Variants in ASIC2 observed in about 807,000 individuals in gnomAD.
The protein encoded by ASIC2 is acid-sensing ion channel 2.
In ASIC2, 25 loss-of-function variants were observed where a neutral mutation model predicts 57.3. The ratio of observed to expected loss-of-function variants is 0.44; its 90% CI spans 0.32 to 0.61. The LOEUF (loss-of-function observed/expected upper bound fraction) is 0.61. Ranked by LOEUF, ASIC2 falls within the 20% of genes least tolerant of loss-of-function variation. The pLI is 0.06. For missense variants in ASIC2, 641 were observed against 738.1 expected, an observed-to-expected ratio of 0.87 and a Z score of 1.52; for synonymous variants, 319 against 307.5, an observed-to-expected ratio of 1.04 and a Z score of -0.39.
intron 1 of ASIC2, among the ~76,000 whole-genome samples, chr17:33,858,355 A>G (rs1337122120): frequency 6.6e-6 from 1 of 152,162 alleles, no homozygotes; most frequent in Non-Finnish European, 1.5e-5. Flanking sequence ...TATACTCCCC[A>G]GTGTGGCTGC....
intron 1 of ASIC2, among the ~76,000 whole-genome samples, chr17:34,018,041 A>G (rs143673656): frequency 1.5e-3 from 227 of 152,338 alleles, no homozygotes; most frequent in Non-Finnish European, 1.9e-4. Context: ...ATAAGACACC[A>G]TCTAGGACTT....
At chr17:33,827,652 C>T (rs1912973945) in intron 1 of ASIC2, 1 of 151,942 alleles carries the variant, frequency 6.6e-6, no homozygotes, top group Non-Finnish European at 1.5e-5. Flanking sequence ...CTGCAGCTCA[C>T]TCTTATTTAT....
chr17:33,834,974 G>T (rs999132370), intron 1 of ASIC2, among the ~76,000 whole-genome samples: 1 of 152,166 alleles, frequency 6.6e-6, no homozygotes, highest in Non-Finnish European at 1.5e-5. Context: ...ACTGTGTTTG[G>T]CGTGCTCATT....
intron 1 of ASIC2, among the ~76,000 whole-genome samples, chr17:34,114,536 G>A (rs1567827164): frequency 6.6e-6 from 1 of 152,156 alleles, no homozygotes; most frequent in Admixed American, 6.5e-5. Flanking sequence ...TGTGTTTTTG[G>A]CAACATTCCT....
chr17:33,874,801 C>CTCTGGTGGGAGTCTCCTGTTGCTGA (rs1914510478), intron 1 of ASIC2, among the ~76,000 whole-genome samples: 1 of 152,208 alleles, frequency 6.6e-6, no homozygotes, highest in Admixed American at 6.5e-5. Context: ...CTGAAGTTAC[C>CTCTGGTGGGAGTCTCCTGTTGCTGA]TCTGGTGGGA....
intron 1 of ASIC2, among the ~76,000 whole-genome samples, chr17:33,347,614 G>A (rs944837372): frequency 6.6e-6 from 1 of 152,134 alleles, no homozygotes; most frequent in African/African-American, 2.4e-5. Context: ...AGATGTATAG[G>A]ATCACTAATT....
At chr17:33,993,921 T>C (rs889824585) in intron 1 of ASIC2, among the ~76,000 whole-genome samples, 3 of 152,194 alleles carry the variant, frequency 2.0e-5, no homozygotes, top group Admixed American at 2.0e-4. Context: ...GTGTCTGCCT[T>C]CCACAGTGAC....
intron 1 of ASIC2, among the ~76,000 whole-genome samples, chr17:34,014,317 T>G (rs143150513): frequency 1.1e-3 from 166 of 152,326 alleles, no homozygotes; most frequent in African/African-American, 3.8e-3. Context: ...GCTCCAGATG[T>G]GAAACCAGGT....
At chr17:33,634,495 G>A (rs1906280635) in intron 1 of ASIC2, among the ~76,000 whole-genome samples, 1 of 150,692 alleles carries the variant, frequency 6.6e-6, no homozygotes, top group Non-Finnish European at 1.5e-5. Flanking sequence ...GATATTCAGA[G>A]AGAGAAAAAC....
intron 1 of ASIC2, among the ~76,000 whole-genome samples, chr17:33,743,913 T>C (rs1239026562): frequency 6.6e-6 from 1 of 152,208 alleles, no homozygotes; most frequent in East Asian, 1.9e-4. Context: ...CTGTGAATAC[T>C]GGAGCCCTAA....
chr17:33,297,247 G>A (rs1425935497), upstream of ASIC2, among the ~76,000 whole-genome samples: 2 of 152,216 alleles, frequency 1.3e-5, no homozygotes, highest in Non-Finnish European at 2.9e-5. Flanking sequence ...TTGCTCTTGA[G>A]ATAGGCTCTT....
intron 1 of ASIC2, among the ~76,000 whole-genome samples, chr17:33,870,224 G>GTTTTTTTTTTTTTT (rs869267956): frequency 8.0e-5 from 4 of 50,120 alleles, no homozygotes; most frequent in African/African-American, 8.0e-5. Flanking sequence ...GAGAAATTCT[G>GTTTTTTTTTTTTTT]TTTTTTTTTT....
intron 1 of ASIC2, among the ~76,000 whole-genome samples, chr17:33,818,767 T>A (rs1440466692): frequency 6.6e-6 from 1 of 152,244 alleles, no homozygotes; most frequent in Admixed American, 6.5e-5. Flanking sequence ...TAGGCATTTC[T>A]TAATGTTGAT....
rs778787252 is a variant in ASIC2, at chr17:33,102,884, C to T, written c.859+9033G>A. 1.8e-4 allele frequency among the ~76,000 whole-genome samples: 27 copies of T among 152,232 alleles called. 1 individual carries two copies. Among genetic ancestry groups the T allele is most frequent in the Admixed American group, 7.8e-4 (12 of 15,288 alleles). On this transcript the variant is annotated intron_variant, in intron 2 of 9. Coordinates refer to ENST00000225823, the MANE Select transcript of ASIC2 (RefSeq NM_183377.2). Reference sequence around the variant, plus strand: ...CTGCAAGCTCCGCCTTCCAGGTTCACGCCATTCTCCTGCCTCAGCCTCCCG... The same window carrying T: ...CTGCAAGCTCCGCCTTCCAGGTTCATGCCATTCTCCTGCCTCAGCCTCCCG...
At chr17:33,746,297 C>T (rs550284759) in intron 1 of ASIC2, among the ~76,000 whole-genome samples, 51 of 148,516 alleles carry the variant, frequency 3.4e-4, no homozygotes, top group African/African-American at 1.1e-3. Context: ...TACATATACA[C>T]GTATGTATAT....
chr17:33,342,193 G>A (rs1409975965), intron 1 of ASIC2, among the ~76,000 whole-genome samples: 1 of 152,112 alleles, frequency 6.6e-6, no homozygotes, highest in African/African-American at 2.4e-5. Context: ...GAAGGATAAG[G>A]TCCCTCCCAG....
In ASIC2 at chr17:34,084,739, C is replaced by A. The variant is rs566740222; in HGVS notation, c.555+71239G>T. On this transcript the variant is annotated intron_variant, in intron 1 of 9. Coordinates refer to the ASIC2 transcript ENST00000359872. ...TCATTGAGCAGTGGTTTGTAGTTCT[C>A]CTTGAAGAGGTCCTTTACGTCCCTT... Among the ~76,000 whole-genome samples the A allele has an allele frequency of 1.4e-3, 210 of 152,244 alleles. 1 individual carries two copies. The highest frequency in any genetic ancestry group is 4.9e-3 in the African/African-American group (205 of 41,528).
chr17:33,894,413 C>G, intron 1 of ASIC2, among the ~76,000 whole-genome samples: 1 of 150,846 alleles, frequency 6.6e-6, no homozygotes, highest in East Asian at 2.0e-4. Context: ...TCATGATGTT[C>G]CAGTATTACA....
rs1055763035 is a variant in ASIC2 at position 34,080,086 on chromosome 17, T to C, written c.555+75892A>G. On this transcript the variant is annotated intron_variant, in intron 1 of 9. Coordinates refer to the ASIC2 transcript ENST00000359872. ...CTATGAATACTGTCTGTGTCTACCA[T>C]GGATTGCTATATTCAAGAGCTATCC... Among the ~76,000 whole-genome samples the C allele has an allele frequency of 1.8e-4, 27 of 152,216 alleles. 1 individual carries two copies. The highest frequency in any genetic ancestry group is 1.2e-3 in the Admixed American group (18 of 15,286).
Sources: gnomAD v4.1 joint callset for allele counts (sites outside exome capture counted in the v4.1 genomes callset) on GRCh38, gnomAD v4.1.1 for gene constraint, MANE v1.5 for transcripts, NCBI Gene and HGNC (gene_info 2026-07-23, HGNC 2026-07-21) for gene names.